SEL1L3: variants seen among roughly 807,000 people sequenced by gnomAD.
SEL1L3 encodes protein sel-1 homolog 3.
SEL1L3 carries 76 observed loss-of-function variants against 142.8 expected under a neutral mutation model. The observed-to-expected ratio is 0.53, with a 90% confidence interval of 0.44 to 0.64. SEL1L3 has a LOEUF of 0.64. SEL1L3 is among the 30% of genes least tolerant of loss of function. SEL1L3 has a pLI of 0.00. For synonymous variants in SEL1L3, 504 were observed against 519.6 expected (o/e 0.97, Z 0.41); for missense variants, 1,262 against 1,381.7 (o/e 0.91, Z 1.37).
chr4:25,779,270 T>C, intron 15 of SEL1L3, 67 bp from the exon 16 acceptor site: 1 of 1,573,180 alleles, frequency 6.4e-7, no homozygotes, highest in Non-Finnish European at 8.7e-7. Context: ...GACAAGGTGA[T>C]GAGATGCTTT....
intron 19 of SEL1L3, 107 bp downstream of exon 19, chr4:25,767,418 T>G: frequency 3.0e-6 from 2 of 675,618 alleles, no homozygotes; most frequent in Non-Finnish European, 5.2e-6. Flanking sequence ...CTTTCTTTTC[T>G]AATTATTTAG....
intron 6 of SEL1L3, among the ~76,000 whole-genome samples, chr4:25,828,305 AT>A (rs946784956): frequency 6.6e-6 from 1 of 151,610 alleles, no homozygotes; most frequent in East Asian, 1.9e-4. Context: ...TTTTTTTTTA[AT>A]TTTTTTTAGT....
rs553973749 is a variant in SEL1L3 at position 25,748,081 on chromosome 4, G to A, written c.*344C>T. ...ATGAAGCACGCACTGTGATTCTTAA[G>A]ACACATCTTAGTGTATAAGAATCCA... On this transcript the variant is annotated 3_prime_UTR_variant, in exon 24 of 24. Coordinates refer to ENST00000399878, the MANE Select transcript of SEL1L3 (RefSeq NM_015187.5). 1 of 214,956 alleles carries A rather than the reference G, an allele frequency of 4.7e-6. No homozygotes were observed. Among genetic ancestry groups the A allele is most frequent in the East Asian group, 1.2e-4 (1 of 8,360 alleles). The allele number at this position is 214,956 out of a possible 1,614,324, so 13.3% of individuals were successfully genotyped here. A position where few individuals can be genotyped will look rare whatever the true frequency, so the allele number is the denominator to read the frequency against.
intron 2 of SEL1L3, among the ~76,000 whole-genome samples, chr4:25,846,700 G>A (rs543832296): frequency 4.4e-4 from 67 of 152,230 alleles, no homozygotes; most frequent in African/African-American, 1.5e-3. Context: ...CCTGAGGTCA[G>A]GAGTTTGAGA....
At position 25,837,760 on chromosome 4, in the gene SEL1L3, A is replaced by G. The variant is rs192230995; in HGVS notation, c.734-2437T>C. Among the ~76,000 whole-genome samples the G allele has an allele frequency of 3.3e-5, 5 of 152,238 alleles. 1 individual carries two copies. The East Asian group carries it at 9.7e-4, about 29-fold the overall frequency. On this transcript the variant is annotated intron_variant, in intron 2 of 23. Transcript: ENST00000399878. ...ACTTTAAAATTCATCTGAATAACAT[A>G]TAGGATATGTTATTTATCCTATATG...
In SEL1L3 at chr4:25,759,038, C is replaced by A; in HGVS notation, c.2986G>T (p.Glu996Ter). ...ATATGGTGTGGGATTATCGTACCTTCCTCGATTAGCAGGGCCAGGTTAAAA... is the reference window on the plus strand; with the variant it reads ...ATATGGTGTGGGATTATCGTACCTTACTCGATTAGCAGGGCCAGGTTAAAA... ...GFFNLALLIE[E>*]GTIIPHHILD... Residue 996 changes from glutamate (E) to a stop codon, truncating the protein, a stop_gained, in exon 21 of 24, where the codon GAA becomes TAA. Transcript: ENST00000399878. LOFTEE classifies it high-confidence loss of function. 1 of 1,613,652 alleles carries A rather than the reference C, an allele frequency of 6.2e-7. No homozygotes were observed. Among genetic ancestry groups the A allele is most frequent in the Non-Finnish European group, 8.5e-7 (1 of 1,179,800 alleles).
intron 9 of SEL1L3, among the ~76,000 whole-genome samples, chr4:25,812,544 AC>A (rs1714099564): frequency 6.6e-6 from 1 of 151,926 alleles, no homozygotes; most frequent in African/African-American, 2.4e-5. Flanking sequence ...ACATGGCGAA[AC>A]CCTGTCTCTA....
At chr4:25,830,246 G>T in intron 5 of SEL1L3, 90 bp from the exon 6 acceptor site, 1 of 794,868 alleles carries the variant, frequency 1.3e-6, no homozygotes, top group Non-Finnish European at 2.1e-6. Flanking sequence ...CATGATATGT[G>T]TTGGAGAGTC....
chr4:25,798,750 C>T (rs898311554), intron 11 of SEL1L3, among the ~76,000 whole-genome samples: 3 of 152,122 alleles, frequency 2.0e-5, no homozygotes, highest in Non-Finnish European at 4.4e-5. Context: ...ATCACTTGAA[C>T]CCAGGAGGTG....
At chr4:25,725,781 G>A in the SEL1L3 span, among the ~76,000 whole-genome samples, 31 of 152,114 alleles carry the variant, frequency 2.0e-4, no homozygotes, top group Non-Finnish European at 3.5e-4. Flanking sequence ...GGTAACTTCC[G>A]GAGTTGCCAT....
At chr4:25,744,296 C>G (rs961178974), downstream of SEL1L3, among the ~76,000 whole-genome samples, 29 of 150,128 alleles carry the variant, frequency 1.9e-4, no homozygotes, top group African/African-American at 6.3e-4. Context: ...GAAGATAGGG[C>G]CTTTTAAGAG....
chr4:25,718,874 G>A, the SEL1L3 span: 1 of 152,136 alleles, frequency 6.6e-6, no homozygotes, highest in Non-Finnish European at 1.5e-5. Flanking sequence ...AATAGCTCTT[G>A]GGTAGTAAGT....
At chr4:25,830,075 A>G (rs1715337435) in intron 6 of SEL1L3, 23 bp downstream of exon 6, 1 of 1,568,714 alleles carries the variant, frequency 6.4e-7, no homozygotes, top group Non-Finnish European at 8.8e-7. Context: ...CAAATTTTGA[A>G]TAAAAAGAAA....
At chr4:25,740,932 C>A in the SEL1L3 span, among the ~76,000 whole-genome samples, 1 of 151,148 alleles carries the variant, frequency 6.6e-6, no homozygotes, top group Non-Finnish European at 1.5e-5. Flanking sequence ...TTACAGGTGC[C>A]CCCCACCACG....
At chr4:25,744,366 T>TTTTTTTTA (rs1717199952), downstream of SEL1L3, among the ~76,000 whole-genome samples, 1 of 146,144 alleles carries the variant, frequency 6.8e-6, no homozygotes. Context: ...TTTTTTTTTT[T>TTTTTTTTA]GAGACGGAGC....
intron 11 of SEL1L3, among the ~76,000 whole-genome samples, chr4:25,795,932 A>G (rs1430451349): frequency 6.6e-6 from 1 of 152,004 alleles, no homozygotes; most frequent in African/African-American, 2.4e-5. Context: ...GAGAAAAAAA[A>G]AAAAATCACT....
At chr4:25,773,282 A>G (rs1719364012) in intron 17 of SEL1L3, 1 of 152,198 alleles carries the variant, frequency 6.6e-6, no homozygotes, top group Non-Finnish European at 1.5e-5. Flanking sequence ...AGAAGCTAGG[A>G]TGATGGTTAC....
rs199942242 is a variant in SEL1L3 at position 25,748,596 on chromosome 4, T to A, written c.3260-32A>T. On this transcript the variant is annotated intron_variant, in intron 23 of 23. Coordinates refer to ENST00000399878, the MANE Select transcript of SEL1L3 (RefSeq NM_015187.5). Reference sequence around the variant, plus strand: ...AGACACATGCACAACAGGTGCTGAATACTCAAAACAGTGCATTCAGAATGT... The same window carrying A: ...AGACACATGCACAACAGGTGCTGAAAACTCAAAACAGTGCATTCAGAATGT... 2.3e-3 allele frequency: 3,697 copies of A among 1,593,820 alleles called. 53 individuals are homozygous for A. In the South Asian group the frequency reaches 0.025, roughly 11 times the overall value.
chr4:25,811,759 TTTTTTTTGTTG>T (rs1168523658), intron 9 of SEL1L3, among the ~76,000 whole-genome samples: 2 of 149,434 alleles, frequency 1.3e-5, no homozygotes, highest in African/African-American at 5.0e-5. Context: ...TTTTTTTTTT[TTTTTTTTGTTG>T]TTGTTGTTGT....
Sources: gnomAD v4.1 joint callset for allele counts (sites outside exome capture counted in the v4.1 genomes callset) on GRCh38, gnomAD v4.1.1 for gene constraint, MANE v1.5 for transcripts, NCBI Gene and HGNC (gene_info 2026-07-23, HGNC 2026-07-21) for gene names.